KLHL24: variants seen among roughly 807,000 people sequenced by gnomAD.
The protein encoded by KLHL24 is kelch-like protein 24.
In KLHL24, 29 loss-of-function variants were observed where a neutral mutation model predicts 53.4. That is an observed-to-expected ratio of 0.54 (90% CI 0.40 to 0.74). The LOEUF is 0.74. KLHL24 is among the 30% of genes least tolerant of loss of function. The pLI, the probability that KLHL24 is intolerant of heterozygous loss-of-function variation, is 0.00. For synonymous variants in KLHL24, 222 were observed against 253.7 expected (o/e 0.88, Z 1.19); for missense variants, 504 against 744.0 (o/e 0.68, Z 3.75).
chr3:183,658,990 G>GA (rs1719310768), intron 3 of KLHL24, among the ~76,000 whole-genome samples: 1 of 151,916 alleles, frequency 6.6e-6, no homozygotes, highest in African/African-American at 2.4e-5. Context: ...ATTTTTTGTA[G>GA]AGACAGAGTC....
At chr3:183,647,668 G>A (rs988144679) in intron 2 of KLHL24, among the ~76,000 whole-genome samples, 6 of 152,020 alleles carry the variant, frequency 3.9e-5, no homozygotes, top group South Asian at 2.1e-4. Context: ...CCAAGATGGC[G>A]CCACTACACT....
intron 7 of KLHL24, among the ~76,000 whole-genome samples, chr3:183,677,396 G>T (rs1443876789): frequency 2.0e-5 from 3 of 152,086 alleles, no homozygotes; most frequent in Non-Finnish European, 4.4e-5. Context: ...GCAATTCATG[G>T]GGGTGTGGTA....
intron 3 of KLHL24, among the ~76,000 whole-genome samples, chr3:183,662,351 A>C (rs567248782): frequency 6.6e-6 from 1 of 152,306 alleles, no homozygotes; most frequent in East Asian, 1.9e-4. Flanking sequence ...ATTGTGTAAC[A>C]GCACACTGAC....
At chr3:183,640,342 CTG>C (rs1455166454) in intron 1 of KLHL24, among the ~76,000 whole-genome samples, 1 of 152,036 alleles carries the variant, frequency 6.6e-6, no homozygotes, top group Non-Finnish European at 1.5e-5. Context: ...ATTTTTTTTC[CTG>C]TGATTTAAGA....
chr3:183,646,433 T>G (rs1346553051), intron 2 of KLHL24, among the ~76,000 whole-genome samples: 1 of 147,354 alleles, frequency 6.8e-6, no homozygotes, highest in Admixed American at 6.8e-5. Context: ...CAAATGAAAA[T>G]ATTATTTATT....
intron 6 of KLHL24, 55 bp from the exon 7 acceptor site, chr3:183,672,241 G>C (rs1721426297): frequency 1.1e-6 from 1 of 887,670 alleles, no homozygotes. Context: ...TCTTTATTAA[G>C]TACATTTCCA....
At chr3:183,667,517 A>G (rs1267201259) in intron 5 of KLHL24, among the ~76,000 whole-genome samples, 2 of 152,082 alleles carry the variant, frequency 1.3e-5, no homozygotes, top group African/African-American at 2.4e-5. Context: ...AGGGATATCT[A>G]GGTTGTGGCT....
chr3:183,650,508 A>G lies in KLHL24; in HGVS notation c.152A>G (p.Asn51Ser). The G allele has an allele frequency of 6.2e-7, 1 of 1,614,168 alleles. No individual in the cohort carries two copies. The highest frequency in any genetic ancestry group is 8.5e-7 in the Non-Finnish European group (1 of 1,180,034). The change falls in exon 3 of 8, where the codon AAC (asparagine) becomes AGC (serine). Residue 51 changes from asparagine to serine, a missense_variant. Transcript: ENST00000242810. The surrounding 1 kb of genome is among the most constrained non-coding windows in gnomAD (Gnocchi z 4.5). ...TCTTCAGGATCATCCCATGCCGAAA[A>G]CATACTCCAGATATTTAATGAATTT... ...DFSSGSSHAENILQIFNEFRD... is the reference protein window; with the variant it reads ...DFSSGSSHAESILQIFNEFRD...
chr3:183,643,906 T>C (rs1014591399), intron 2 of KLHL24, among the ~76,000 whole-genome samples: 9 of 152,216 alleles, frequency 5.9e-5, no homozygotes, highest in African/African-American at 1.9e-4. Flanking sequence ...TTTGCAAAAA[T>C]GTTATAATGG....
Position 183,665,033 on chromosome 3 carries a change from T to TG in KLHL24, c.1220dup (p.Lys408Ter). ...GGCGTCACAAAATGGCTGTCCTCCTTGGTAAAGTAAGAGAAACCACTTTTT... is the reference window on the plus strand; with the variant it reads ...GGCGTCACAAAATGGCTGTCCTCCTTGGGTAAAGTAAGAGAAACCACTTTTT... On this transcript the variant is annotated frameshift_variant, in exon 5 of 8. Coordinates refer to ENST00000242810, the MANE Select transcript of KLHL24 (RefSeq NM_017644.3). LOFTEE classifies it high-confidence loss of function. The TG allele has an allele frequency of 4.4e-6, 7 of 1,582,212 alleles. No individual in the cohort carries two copies. The highest frequency in any genetic ancestry group is 6.1e-6 in the Non-Finnish European group (7 of 1,152,714).
intron 3 of KLHL24, among the ~76,000 whole-genome samples, chr3:183,653,766 T>C (rs1364582046): frequency 6.6e-6 from 1 of 151,586 alleles, no homozygotes; most frequent in Non-Finnish European, 1.5e-5. Context: ...TTGGAACCCA[T>C]TTTTTGGGGG....
chr3:183,637,804 G>A (rs9821484), intron 1 of KLHL24, among the ~76,000 whole-genome samples: 2 of 151,654 alleles, frequency 1.3e-5, no homozygotes, highest in Non-Finnish European at 2.9e-5. Context: ...GATGACAGGC[G>A]CCCGCCACCA....
At chr3:183,637,750 C>T (rs997020115) in intron 1 of KLHL24, among the ~76,000 whole-genome samples, 8 of 152,200 alleles carry the variant, frequency 5.3e-5, no homozygotes, top group African/African-American at 1.9e-4. Flanking sequence ...TCTCCGCCTC[C>T]CGAGTTCAAT....
intron 3 of KLHL24, among the ~76,000 whole-genome samples, chr3:183,652,901 A>G (rs1718326746): frequency 6.6e-6 from 1 of 152,178 alleles, no homozygotes; most frequent in Admixed American, 6.6e-5. Context: ...CAGCCTGCAT[A>G]TCTCATAGGA....
At chr3:183,660,329 C>G (rs1719553083) in intron 3 of KLHL24, among the ~76,000 whole-genome samples, 1 of 152,034 alleles carries the variant, frequency 6.6e-6, no homozygotes. Context: ...CAGGATCTCA[C>G]TGTGTTGCTT....
At chr3:183,671,511 A>G (rs1396501722) in intron 6 of KLHL24, among the ~76,000 whole-genome samples, 2 of 152,230 alleles carry the variant, frequency 1.3e-5, no homozygotes, top group African/African-American at 2.4e-5. Flanking sequence ...CATCTACAAA[A>G]TCTAAAAACT....
intron 2 of KLHL24, among the ~76,000 whole-genome samples, chr3:183,649,130 AC>A (rs1254299453): frequency 1.3e-5 from 2 of 152,230 alleles, no homozygotes; most frequent in African/African-American, 2.4e-5. Context: ...AGGGAACAAG[AC>A]CTAGATAACA....
intron 2 of KLHL24, chr3:183,644,210 G>A (rs1223324941): frequency 6.6e-6 from 1 of 151,630 alleles, no homozygotes; most frequent in Non-Finnish European, 1.5e-5. Context: ...GGGACTACAG[G>A]CGTCCACAAC....
At chr3:183,642,602 CAAAAAAAAAAAA>C (rs377410456) in intron 1 of KLHL24, among the ~76,000 whole-genome samples, 41 of 92,974 alleles carry the variant, frequency 4.4e-4, no homozygotes, top group Non-Finnish European at 4.3e-4. Context: ...CCCCTTCCAC[CAAAAAAAAAAAA>C]AAAAAAAAAA....
Sources: allele counts gnomAD v4.1 joint callset (sites outside exome capture counted in the v4.1 genomes callset), GRCh38; gene constraint gnomAD v4.1.1; non-coding constraint Gnocchi (gnomAD v3.1); transcripts MANE v1.5; gene names NCBI Gene and HGNC (gene_info 2026-07-23, HGNC 2026-07-21).